Variants in RDH13 observed in about 807,000 individuals in gnomAD.
The protein encoded by RDH13 is retinol dehydrogenase 13, also known as retinol dehydrogenase 13 (all-trans and 9-cis).
A neutral mutation model predicts 28.3 loss-of-function variants in RDH13; 35 were observed. The ratio of observed to expected loss-of-function variants is 1.24; its 90% CI spans 0.95 to 1.64. The LOEUF (loss-of-function observed/expected upper bound fraction) is 1.64, where lower values mean the gene tolerates loss of function less well. RDH13 is among the 40% of genes most tolerant of loss of function. The pLI, the probability that RDH13 is intolerant of heterozygous loss-of-function variation, is 0.00. For missense variants in RDH13, 514 were observed against 446.3 expected (o/e 1.15, Z -1.37); for synonymous variants, 229 against 198.5 (o/e 1.15, Z -1.29).
rs1324159407 is a variant in RDH13, at chr19:55,063,134, G to A, written c.-102C>T. On this transcript the variant is annotated 5_prime_UTR_variant, in exon 1 of 7. Coordinates refer to ENST00000415061, the MANE Select transcript of RDH13 (RefSeq NM_001145971.2). ...AGGAAGAGCGCGCGACGCAGCCACA[G>A]GCGAGCGGAGGCGCAGGCGCGGCTG... is the stretch of plus-strand genomic sequence containing the variant. The A allele has an allele frequency of 5.4e-6, 6 of 1,109,674 alleles. No individual in the cohort carries two copies. The highest frequency in any genetic ancestry group is 4.9e-5 in the African/African-American group (3 of 61,588). The allele number at this position is 1,109,674 out of a possible 1,614,324, so 68.7% of individuals were successfully genotyped here. A position where few individuals can be genotyped will look rare whatever the true frequency, so the allele number is the denominator to read the frequency against.
intron 1 of RDH13, among the ~76,000 whole-genome samples, chr19:55,060,159 A>G (rs1007441388): frequency 2.1e-5 from 3 of 139,726 alleles, no homozygotes; most frequent in Non-Finnish European, 4.7e-5. Flanking sequence ...AAAAGAGGAA[A>G]GCCTCTTGCA....
intron 1 of RDH13, among the ~76,000 whole-genome samples, chr19:55,061,564 G>C (rs2075807189): frequency 6.7e-6 from 1 of 148,710 alleles, no homozygotes; most frequent in African/African-American, 2.5e-5. Context: ...GCCAAGACAG[G>C]AGGATCACTT....
rs2305543 is a variant in RDH13 at position 55,048,347 on chromosome 19, G to A, written c.640C>T (p.Leu214=). 0.27 allele frequency: 431,626 copies of A among 1,613,906 alleles called. 59,371 individuals are homozygous for A. Among genetic ancestry groups the A allele is most frequent in the East Asian group, 0.46 (20,411 of 44,852 alleles). Residue 214 remains leucine (L), a synonymous_variant, in exon 5 of 7, where the codon CTG becomes TTG. Coordinates refer to ENST00000415061, the MANE Select transcript of RDH13 (RefSeq NM_001145971.2). ...CCCGTACCTTGCAGCCGCCGGCTCA[G>A]CTCCTTGGTGAAGAGGACGATGGCG... ...KLAIVLFTKE[L]SRRLQGSGVT...
chr19:55,064,921 GT>G (rs1259448057), upstream of RDH13, among the ~76,000 whole-genome samples: 2 of 120,964 alleles, frequency 1.7e-5, no homozygotes, highest in Admixed American at 1.8e-4. Context: ...CCGGGAAGCT[GT>G]TTTTTAATAG....
At chr19:55,047,872 G>A in intron 5 of RDH13, 1 of 485,614 alleles carries the variant, frequency 2.1e-6, no homozygotes, top group Non-Finnish European at 3.7e-6. Context: ...TCAGCACTGT[G>A]GATGCTGTGG....
intron 5 of RDH13, chr19:55,048,015 C>T (rs944282199): frequency 2.4e-5 from 34 of 1,391,260 alleles, no homozygotes; most frequent in East Asian, 8.3e-5. Context: ...TTGACAACTG[C>T]GGGTCAAAAC....
intron 1 of RDH13, among the ~76,000 whole-genome samples, chr19:55,060,228 A>G (rs1436078617): frequency 1.3e-5 from 2 of 149,054 alleles, no homozygotes; most frequent in African/African-American, 4.9e-5. Flanking sequence ...ATGTCTCGGT[A>G]TAAAACCTGA....
rs1259136636 is a variant in RDH13 at position 55,063,116 on chromosome 19, G to A, written c.-84C>T. 7 of 1,189,224 alleles carry A rather than the reference G, an allele frequency of 5.9e-6. No individual in the cohort carries two copies. The highest frequency in any genetic ancestry group is 2.7e-4 in the Middle Eastern group (1 of 3,704). 73.7% of individuals were successfully genotyped at this position (1,189,224 alleles called of 1,614,324 possible). A position where few individuals can be genotyped will look rare whatever the true frequency, so the allele number is the denominator to read the frequency against. On this transcript the variant is annotated 5_prime_UTR_variant, in exon 1 of 7. Coordinates refer to ENST00000415061, the MANE Select transcript of RDH13 (RefSeq NM_001145971.2). The stretch of plus-strand genomic sequence containing the variant: ...GCCGCCTGGGTAGCTCCGAGGAAGA[G>A]CGCGCGACGCAGCCACAGGCGAGCG...
chr19:55,058,957 G>A (rs767973900), intron 2 of RDH13, among the ~76,000 whole-genome samples, 200 bp downstream of exon 2: 34 of 152,320 alleles, frequency 2.2e-4, no homozygotes, highest in Non-Finnish European at 3.5e-4. Flanking sequence ...GATTACAGGC[G>A]TGCACCACCG....
upstream of RDH13, among the ~76,000 whole-genome samples, chr19:55,064,811 C>T (rs2075924619): frequency 6.7e-6 from 1 of 150,070 alleles, no homozygotes; most frequent in Admixed American, 7.0e-5. Context: ...CGGGGTTTCA[C>T]CATGTTGGCC....
intron 3 of RDH13, 152 bp from the exon 4 acceptor site, chr19:55,048,915 C>T (rs1305943000): frequency 1.5e-6 from 1 of 684,400 alleles, no homozygotes; most frequent in Admixed American, 2.2e-5. Flanking sequence ...AGGATGCGGT[C>T]ATTAGGGTGA....
At chr19:55,048,943 G>A (rs1298750491) in intron 3 of RDH13, among the ~76,000 whole-genome samples, 180 bp from the exon 4 acceptor site, 5 of 152,148 alleles carry the variant, frequency 3.3e-5, no homozygotes, top group Admixed American at 6.5e-5. Context: ...TCCAATGACT[G>A]GTGTCCTTAT....
upstream of RDH13, among the ~76,000 whole-genome samples, chr19:55,066,647 C>G (rs948518456): frequency 3.2e-5 from 4 of 126,370 alleles, no homozygotes; most frequent in African/African-American, 1.1e-4. Context: ...CTCTCTCCCT[C>G]TTTCTCTTTC....
At chr19:55,062,085 CCAGCCTGGGCAACAA>C (rs1163837424) in intron 1 of RDH13, among the ~76,000 whole-genome samples, 1 of 151,708 alleles carries the variant, frequency 6.6e-6, no homozygotes, top group Non-Finnish European at 1.5e-5. Context: ...CCATTGCACT[CCAGCCTGGGCAACAA>C]CAGCGAAACT....
intron 6 of RDH13, chr19:55,047,165 T>C: frequency 7.2e-7 from 1 of 1,396,926 alleles, no homozygotes. Flanking sequence ...GACACGGTTT[T>C]CTCATCCGCC....
In RDH13 at chr19:55,056,699, C is replaced by T. The variant is rs778834953; in HGVS notation, c.294G>A (p.Leu98=). The stretch of plus-strand genomic sequence containing the variant: ...ACTCTCGGATAGACTTGAGGGAAGC[C>T]AAGTCCAGGTGCCGGGCGTTGACAT... ...NHHVNARHLD[L]ASLKSIREFA... The change falls in exon 3 of 7, where the codon TTG becomes TTA. Residue 98 remains leucine, a synonymous_variant. Transcript: ENST00000415061. The T allele has an allele frequency of 1.2e-6, 2 of 1,614,058 alleles. No individual in the cohort carries two copies. Among genetic ancestry groups the T allele is most frequent in the Non-Finnish European group, 1.7e-6 (2 of 1,180,004 alleles).
rs367657614 is a variant in RDH13, at chr19:55,056,797, T to A, written c.196A>T (p.Ile66Phe). ...TTCTCCATGTCTCGGCAGGCCAGGATGATGTTGCCTCCTGAAAACCCAGGA... is the reference window on the plus strand; with the variant it reads ...TTCTCCATGTCTCGGCAGGCCAGGAAGATGTTGCCTCCTGAAAACCCAGGA... ...LELARRGGNI[I>F]LACRDMEKCE... The change falls in exon 3 of 7, where the codon ATC (isoleucine) becomes TTC (phenylalanine). Residue 66 changes from isoleucine (I) to phenylalanine (F), a missense_variant. Coordinates refer to ENST00000415061, the MANE Select transcript of RDH13 (RefSeq NM_001145971.2). The A allele has an allele frequency of 1.2e-6, 2 of 1,613,894 alleles. No individual in the cohort carries two copies. Among genetic ancestry groups the A allele is most frequent in the Non-Finnish European group, 1.7e-6 (2 of 1,179,860 alleles).
intron 1 of RDH13, 26 bp downstream of exon 1, chr19:55,062,942 C>A: frequency 6.9e-7 from 1 of 1,439,454 alleles, no homozygotes; most frequent in Middle Eastern, 2.1e-4. Context: ...GCCTTGACCG[C>A]GCACGCGGGG....
In RDH13 at chr19:55,051,519, C is replaced by T. The variant is rs547558522; in HGVS notation, c.341-2756G>A. On this transcript the variant is annotated intron_variant, in intron 3 of 6. Coordinates refer to ENST00000415061, the MANE Select transcript of RDH13 (RefSeq NM_001145971.2). ...GCCCATGGCCCACTGCAACCTCTAC[C>T]GCCTGGGTTCAGGCGATTCTGCTGC... Among the ~76,000 whole-genome samples, 18 of 131,636 alleles carry T rather than the reference C, an allele frequency of 1.4e-4. No homozygotes were observed. The South Asian group carries it at 1.5e-3, about 11-fold the overall frequency. 86.4% of individuals were successfully genotyped at this position (131,636 alleles called of 152,430 possible). A position where few individuals can be genotyped will look rare whatever the true frequency, so the allele number is the denominator to read the frequency against.
Sources: gnomAD v4.1 joint callset for allele counts (sites outside exome capture counted in the v4.1 genomes callset) on GRCh38, gnomAD v4.1.1 for gene constraint, MANE v1.5 for transcripts, NCBI Gene and HGNC (gene_info 2026-07-23, HGNC 2026-07-21) for gene names.